The following BPNT2 variants were observed in gnomAD, a reference collection of about 807,000 sequenced individuals.
The protein encoded by BPNT2 is Golgi-resident adenosine 3',5'-bisphosphate 3'-phosphatase.
A neutral mutation model predicts 29.3 loss-of-function variants in BPNT2; 11 were observed. That is an observed-to-expected ratio of 0.38 (90% confidence interval 0.24 to 0.62). BPNT2 has a LOEUF of 0.62. Ranked by LOEUF, BPNT2 falls within the 20% of genes least tolerant of loss-of-function variation. BPNT2 has a pLI of 0.62. For synonymous variants in BPNT2, 195 were observed against 187.7 expected (o/e 1.04, Z -0.32); for missense variants, 459 against 473.4 (o/e 0.97, Z 0.28).
In BPNT2 at chr8:56,974,564, C is replaced by T. The variant is rs112205987; in HGVS notation, c.646+3486G>A. 4.9e-3 allele frequency among the ~76,000 whole-genome samples: 739 copies of T among 152,278 alleles called. 7 individuals are homozygous for T. Among genetic ancestry groups the T allele is most frequent in the African/African-American group, 0.016 (666 of 41,572 alleles). On this transcript the variant is annotated intron_variant, in intron 3 of 4. Transcript: ENST00000262644. ...ACATACCGTCTGGATCTGAAAATAACATTCCAGGAGGAGGGCACAAGCAAA... is the reference window on the plus strand; with the variant it reads ...ACATACCGTCTGGATCTGAAAATAATATTCCAGGAGGAGGGCACAAGCAAA...
chr8:56,981,266 G>T (rs1363814993), intron 1 of BPNT2, among the ~76,000 whole-genome samples: 1 of 152,164 alleles, frequency 6.6e-6, no homozygotes, highest in East Asian at 1.9e-4. Context: ...GTAAAACAGT[G>T]TTTTAAAAAT....
At chr8:56,972,345 T>C (rs932518256) in intron 3 of BPNT2, among the ~76,000 whole-genome samples, 20 of 151,638 alleles carry the variant, frequency 1.3e-4, no homozygotes, top group Admixed American at 9.9e-4. Flanking sequence ...AAAAGTTGAA[T>C]TGCTTGATAT....
intron 3 of BPNT2, among the ~76,000 whole-genome samples, chr8:56,973,813 C>G (rs958625100): frequency 6.6e-6 from 1 of 152,132 alleles, no homozygotes; most frequent in Admixed American, 6.5e-5. Context: ...GACCATTTTA[C>G]GATACAGTCA....
In BPNT2 at chr8:56,966,222, G is replaced by A. The variant is rs758838721; in HGVS notation, c.777C>T (p.Asn259=). ...CACCAGCTGGGATAATTGTAGTCTG[G>A]TTTCCAAAAGTCTGAAGAGCGACCT... ...VKQVALQTFG[N]QTTIIPAGGA... The change falls in exon 4 of 5, where the codon AAC becomes AAT. Residue 259 remains asparagine, a synonymous_variant. Coordinates refer to ENST00000262644, the MANE Select transcript of BPNT2 (RefSeq NM_017813.5). 5 of 1,614,062 alleles carry A rather than the reference G, an allele frequency of 3.1e-6. No homozygotes were observed. Among genetic ancestry groups the A allele is most frequent in the African/African-American group, 1.3e-5 (1 of 74,926 alleles).
At chr8:56,970,671 T>C (rs1015878239) in intron 3 of BPNT2, among the ~76,000 whole-genome samples, 1 of 152,190 alleles carries the variant, frequency 6.6e-6, no homozygotes, top group African/African-American at 2.4e-5. Context: ...TATATTAATA[T>C]ACTGTCCTTT....
rs945747430 is a variant in BPNT2 at position 56,993,238 on chromosome 8, C to G, written c.348G>C (p.Lys116Asn). 2.5e-6 allele frequency: 4 copies of G among 1,606,974 alleles called. No individual in the cohort carries two copies. Among genetic ancestry groups the G allele is most frequent in the Non-Finnish European group, 3.4e-6 (4 of 1,179,818 alleles). The change falls in exon 1 of 5, where the codon AAG becomes AAC. Residue 116 changes from lysine to asparagine, a missense_variant. Lys to Asn is a moderately conservative substitution (Grantham distance 94). Coordinates refer to ENST00000262644, the MANE Select transcript of BPNT2 (RefSeq NM_017813.5). ...MTSGDVLSNRKMFYLLKTAFP... is the reference protein window; with the variant it reads ...MTSGDVLSNRNMFYLLKTAFP... ...AGGCGGTCTTGAGCAGGTAGAACAT[C>G]TTGCGGTTGGACAGCACGTCGCCGC...
chr8:56,973,106 G>A (rs2129204486), intron 3 of BPNT2, among the ~76,000 whole-genome samples: 1 of 152,254 alleles, frequency 6.6e-6, no homozygotes, highest in East Asian at 1.9e-4. Context: ...TCCTTTTTCT[G>A]GATTGAGTCC....
Position 56,958,458 on chromosome 8 carries a change from C to T in BPNT2, c.*5335G>A, listed in dbSNP as rs976885405. On this transcript the variant is annotated 3_prime_UTR_variant, in exon 5 of 5. Transcript: ENST00000262644. Reference sequence around the variant, plus strand: ...GTAGTATGGGTGAGGAAGGTCATAACACGCTAAGTAAACTGGTGTCTAAGC... The same window carrying T: ...GTAGTATGGGTGAGGAAGGTCATAATACGCTAAGTAAACTGGTGTCTAAGC... 6.6e-5 allele frequency: 10 copies of T among 152,164 alleles called. No individual in the cohort carries two copies. The highest frequency in any genetic ancestry group is 4.1e-4 in the South Asian group (2 of 4,836). The allele number at this position is 152,164 out of a possible 1,614,324, so 9.4% of individuals were successfully genotyped here.
chr8:56,982,311 C>T (rs1005984861), intron 1 of BPNT2, among the ~76,000 whole-genome samples: 24 of 151,884 alleles, frequency 1.6e-4, no homozygotes, highest in African/African-American at 5.3e-4. Flanking sequence ...TTAGTAGAGA[C>T]GAGATTTCAC....
chr8:56,962,670 G>T lies in BPNT2; in HGVS notation c.*1123C>A, dbSNP rs369301033. 2.8e-4 allele frequency: 43 copies of T among 152,044 alleles called. 1 individual carries two copies. The highest frequency in any genetic ancestry group is 8.2e-4 in the African/African-American group (34 of 41,466). 9.4% of individuals were successfully genotyped at this position (152,044 alleles called of 1,614,324 possible). On this transcript the variant is annotated 3_prime_UTR_variant, in exon 5 of 5. Transcript: ENST00000262644. The stretch of plus-strand genomic sequence containing the variant: ...TTCAACCTTCTCTATTTTAATCTGA[G>T]GGGAAATTAAGAGAATCTCAAAAGT...
chr8:56,964,194 G>A, intron 4 of BPNT2, 130 bp from the exon 5 acceptor site: 1 of 623,766 alleles, frequency 1.6e-6, no homozygotes. Flanking sequence ...CTCTGCAACT[G>A]CTTAAGTTTA....
intron 1 of BPNT2, among the ~76,000 whole-genome samples, chr8:56,984,647 T>C (rs906764239): frequency 1.3e-5 from 2 of 152,204 alleles, no homozygotes; most frequent in African/African-American, 2.4e-5. Flanking sequence ...GCTTTGGACA[T>C]TGGGATACAG....
chr8:56,967,158 G>A (rs1585556197), intron 3 of BPNT2: 1 of 456,152 alleles, frequency 2.2e-6, no homozygotes, highest in South Asian at 1.5e-5. Context: ...CTCACTACAG[G>A]GCAAGATATA....
At position 56,978,162 on chromosome 8, in the gene BPNT2, A is replaced by C; in HGVS notation, c.551-17T>G. 7.1e-7 allele frequency: 1 copy of C among 1,413,132 alleles called. No homozygotes were observed. Among genetic ancestry groups the C allele is most frequent in the Non-Finnish European group, 1.0e-6 (1 of 998,792 alleles). 87.5% of individuals were successfully genotyped at this position (1,413,132 alleles called of 1,614,324 possible). ...GAAGATCCTCTATGAGAAAAAAAACAAAACAACACACACAAATGTCAAAGT... is the reference window on the plus strand; with the variant it reads ...GAAGATCCTCTATGAGAAAAAAAACCAAACAACACACACAAATGTCAAAGT... On this transcript the variant is annotated splice_polypyrimidine_tract_variant and intron_variant, in intron 2 of 4. Transcript: ENST00000262644.
rs1805864162 is a variant in BPNT2 at position 56,963,017 on chromosome 8, G to A, written c.*776C>T. On this transcript the variant is annotated 3_prime_UTR_variant, in exon 5 of 5. Coordinates refer to ENST00000262644, the MANE Select transcript of BPNT2 (RefSeq NM_017813.5). ...AACCTTACAAAGTTAAAGACTAAGT[G>A]TTGGTCAGAAGGAAAAGGATGCAAC... 1 of 152,218 alleles carries A rather than the reference G, an allele frequency of 6.6e-6. No individual in the cohort carries two copies. Among genetic ancestry groups the A allele is most frequent in the Non-Finnish European group, 1.5e-5 (1 of 68,036 alleles). 9.4% of individuals were successfully genotyped at this position (152,218 alleles called of 1,614,324 possible). A position where few individuals can be genotyped will look rare whatever the true frequency, so the allele number is the denominator to read the frequency against.
intron 3 of BPNT2, among the ~76,000 whole-genome samples, chr8:56,976,259 G>A (rs1806131139): frequency 6.6e-6 from 1 of 152,148 alleles, no homozygotes; most frequent in Non-Finnish European, 1.5e-5. Context: ...AGATAGAACT[G>A]CATGCCTGGC....
intron 1 of BPNT2, among the ~76,000 whole-genome samples, chr8:56,984,499 T>C (rs1806297158): frequency 6.6e-6 from 1 of 152,208 alleles, no homozygotes; most frequent in Non-Finnish European, 1.5e-5. Context: ...AAATATGTCA[T>C]CATGTCTACC....
In BPNT2 at chr8:56,993,576, T is replaced by C. The variant is rs752883986; in HGVS notation, c.10A>G (p.Met4Val). 5 of 1,449,202 alleles carry C rather than the reference T, an allele frequency of 3.5e-6. No individual in the cohort carries two copies. 89.8% of individuals were successfully genotyped at this position (1,449,202 alleles called of 1,614,324 possible). Residue 4 changes from methionine (M) to valine (V), a missense_variant, in exon 1 of 5, where the codon ATG becomes GTG. Physicochemically the swap from Met to Val is conservative, Grantham distance 21 (BLOSUM62 1). Coordinates refer to ENST00000262644, the MANE Select transcript of BPNT2 (RefSeq NM_017813.5). MAP[M>V]GIRLSPLGVA... ...CCCAGTGGGGAAAGGCGGATGCCCA[T>C]GGGGGCCATGGCGTGGGAAGCCGGG...
chr8:56,962,322 C>T lies in BPNT2; in HGVS notation c.*1471G>A, dbSNP rs1013762381. The T allele has an allele frequency of 6.6e-6, 1 of 152,140 alleles. No individual in the cohort carries two copies. The highest frequency in any genetic ancestry group is 1.5e-5 in the Non-Finnish European group (1 of 68,030). The allele number at this position is 152,140 out of a possible 1,614,324, so 9.4% of individuals were successfully genotyped here. On this transcript the variant is annotated 3_prime_UTR_variant, in exon 5 of 5. Coordinates refer to ENST00000262644, the MANE Select transcript of BPNT2 (RefSeq NM_017813.5). The stretch of plus-strand genomic sequence containing the variant: ...CCTAAAGTATGCACATTCCACCAGG[C>T]TAGAACGTACATTCTTTGGTCAATT...
Sources: allele counts gnomAD v4.1 joint callset (sites outside exome capture counted in the v4.1 genomes callset), GRCh38; gene constraint gnomAD v4.1.1; transcripts MANE v1.5; gene names NCBI Gene and HGNC (gene_info 2026-07-23, HGNC 2026-07-21).